Variants in BBS9 observed in about 807,000 individuals in gnomAD.
BBS9 encodes the protein Bardet-Biedl syndrome 9.
In BBS9, 89 loss-of-function variants were observed where a neutral mutation model predicts 117.7. That is an observed-to-expected ratio of 0.76 (90% CI 0.64 to 0.90). The LOEUF is 0.90. BBS9 is among the 40% of genes least tolerant of loss of function. BBS9 has a pLI of 0.00. For missense variants in BBS9, 982 were observed against 1,042.2 expected (o/e 0.94, Z 0.80); for synonymous variants, 379 against 370.9 (o/e 1.02, Z -0.25).
chr7:33,282,421 G>T (rs1181494943), intron 9 of BBS9, among the ~76,000 whole-genome samples: 2 of 151,994 alleles, frequency 1.3e-5, no homozygotes, highest in Non-Finnish European at 2.9e-5. Context: ...TGCCCAGACT[G>T]GAGTGCAGTG....
At chr7:33,565,818 T>G (rs1856808034) in intron 21 of BBS9, among the ~76,000 whole-genome samples, 1 of 59,838 alleles carries the variant, frequency 1.7e-5, no homozygotes, top group African/African-American at 2.1e-4. Context: ...TATATATATA[T>G]ATATATATAC....
In BBS9 at chr7:33,236,325, C is replaced by A. The variant is rs200885464; in HGVS notation, c.443-20911C>A. Among the ~76,000 whole-genome samples, 621 of 123,332 alleles carry A rather than the reference C, an allele frequency of 5.0e-3. 2 individuals are homozygous for A. The highest frequency in any genetic ancestry group is 5.7e-3 in the African/African-American group (183 of 32,282). The allele number at this position is 123,332 out of a possible 152,430, so 80.9% of individuals were successfully genotyped here. ...TGGGTGACAGAGTGATACTCCATCT[C>A]AAAAAAAAAAAAAAAGAAAAAAAAA... On this transcript the variant is annotated intron_variant, in intron 5 of 22. Coordinates refer to ENST00000242067, the MANE Select transcript of BBS9 (RefSeq NM_198428.3).
chr7:33,319,875 C>T (rs1291768674), intron 9 of BBS9, among the ~76,000 whole-genome samples: 1 of 152,160 alleles, frequency 6.6e-6, no homozygotes. Flanking sequence ...AAAAACCAAA[C>T]TATCCTATCA....
chr7:33,287,580 T>C (rs182950428), intron 9 of BBS9, among the ~76,000 whole-genome samples: 2 of 152,300 alleles, frequency 1.3e-5, no homozygotes, highest in African/African-American at 4.8e-5. Context: ...GTTAACAGAT[T>C]GTGGGGGTTC....
At chr7:33,614,127 T>C (rs1431948333) in intron 21 of BBS9, among the ~76,000 whole-genome samples, 1 of 152,154 alleles carries the variant, frequency 6.6e-6, no homozygotes, top group Admixed American at 6.6e-5. Flanking sequence ...TAGTTTCTGC[T>C]AAATTCTGTG....
intron 9 of BBS9, among the ~76,000 whole-genome samples, chr7:33,332,096 A>AAAACGGGC (rs746883867): frequency 6.6e-6 from 1 of 152,192 alleles, no homozygotes; most frequent in African/African-American, 2.4e-5. Context: ...TAGTGGTATA[A>AAAACGGGC]AAACGGGCAC....
intron 19 of BBS9, among the ~76,000 whole-genome samples, chr7:33,498,962 G>T (rs1845095867): frequency 6.6e-6 from 1 of 152,144 alleles, no homozygotes. Flanking sequence ...CAGCTGTACT[G>T]TATTACATTT....
At chr7:33,328,290 T>G (rs956789876) in intron 9 of BBS9, among the ~76,000 whole-genome samples, 3 of 152,230 alleles carry the variant, frequency 2.0e-5, no homozygotes, top group Non-Finnish European at 1.5e-5. Flanking sequence ...TCTACTACAT[T>G]GGATTGCAAT....
intron 16 of BBS9, among the ~76,000 whole-genome samples, chr7:33,364,839 C>T (rs923280197): frequency 2.6e-5 from 4 of 151,110 alleles, no homozygotes; most frequent in Admixed American, 6.6e-5. Flanking sequence ...AGCAATCCTC[C>T]GACCTCAGCC....
chr7:33,294,107 G>A (rs1161715404), intron 9 of BBS9, among the ~76,000 whole-genome samples: 1 of 152,018 alleles, frequency 6.6e-6, no homozygotes, highest in African/African-American at 2.4e-5. Flanking sequence ...TTTGAAGCCA[G>A]TACAAATAAT....
intron 21 of BBS9, among the ~76,000 whole-genome samples, chr7:33,584,099 C>A (rs186966741): frequency 2.2e-4 from 34 of 152,080 alleles, no homozygotes; most frequent in African/African-American, 7.5e-4. Context: ...AATATAATAA[C>A]CCCTCCACTA....
intron 21 of BBS9, among the ~76,000 whole-genome samples, chr7:33,569,404 T>A (rs1018329981): frequency 6.6e-6 from 1 of 151,576 alleles, no homozygotes; most frequent in Non-Finnish European, 1.5e-5. Flanking sequence ...TATATACAGA[T>A]GTGTATATAT....
chr7:33,609,928 A>G (rs926922279), downstream of BBS9, among the ~76,000 whole-genome samples: 2 of 151,916 alleles, frequency 1.3e-5, no homozygotes, highest in African/African-American at 4.8e-5. Context: ...TGTCTCCCCA[A>G]CTCAACTTCC....
chr7:33,622,356 G>A (rs766134475), intron 21 of BBS9, among the ~76,000 whole-genome samples: 3 of 152,120 alleles, frequency 2.0e-5, no homozygotes, highest in African/African-American at 4.8e-5. Context: ...AAGAAGGGGA[G>A]GTGTTGGTTG....
At chr7:33,156,873 GT>G (rs1273228880) in intron 4 of BBS9, among the ~76,000 whole-genome samples, 5 of 151,958 alleles carry the variant, frequency 3.3e-5, no homozygotes, top group Non-Finnish European at 5.9e-5. Flanking sequence ...GCTCCTCCTA[GT>G]GTCAGGGCAT....
chr7:33,169,376 G>T (rs1476663427), intron 4 of BBS9, among the ~76,000 whole-genome samples: 1 of 151,548 alleles, frequency 6.6e-6, no homozygotes, highest in Non-Finnish European at 1.5e-5. Flanking sequence ...GATCCCTGAG[G>T]AATCGCCATA....
At chr7:33,257,478 C>T in intron 6 of BBS9, 68 bp downstream of exon 6, 1 of 1,399,100 alleles carries the variant, frequency 7.1e-7, no homozygotes, top group East Asian at 2.3e-5. Flanking sequence ...TAATTTTTGT[C>T]CACAAAGAGC....
At chr7:33,296,246 A>T (rs1288956706) in intron 9 of BBS9, among the ~76,000 whole-genome samples, 1 of 152,154 alleles carries the variant, frequency 6.6e-6, no homozygotes, top group Non-Finnish European at 1.5e-5. Flanking sequence ...TTATTTTCTG[A>T]ACATATCTTG....
intron 19 of BBS9, among the ~76,000 whole-genome samples, chr7:33,463,879 G>A (rs2128938587): frequency 6.6e-6 from 1 of 152,024 alleles, no homozygotes. Context: ...TGTTTTATGT[G>A]GGTATATGAA....
Sources: gnomAD v4.1 joint callset for allele counts (sites outside exome capture counted in the v4.1 genomes callset) on GRCh38, gnomAD v4.1.1 for gene constraint, MANE v1.5 for transcripts, NCBI Gene and HGNC (gene_info 2026-07-23, HGNC 2026-07-21) for gene names.